The following TRIM10 variants were observed in gnomAD, a reference collection of about 807,000 sequenced individuals.
TRIM10 encodes tripartite motif containing 10.
Under a neutral mutation model 40.0 loss-of-function variants are expected in TRIM10, and 42 were observed. That is an observed-to-expected ratio of 1.05 (90% CI 0.82 to 1.36). The LOEUF (loss-of-function observed/expected upper bound fraction) is 1.36, where lower values mean the gene tolerates loss of function less well. Among genes scored for constraint, TRIM10 ranks in the 40% most tolerant of loss-of-function variants. The pLI, the probability that TRIM10 is intolerant of heterozygous loss-of-function variation, is 0.00. For synonymous variants in TRIM10, 260 were observed against 239.5 expected, an observed-to-expected ratio of 1.09 and a Z score of -0.79; for missense variants, 601 against 608.3, an observed-to-expected ratio of 0.99 and a Z score of 0.13.
At chr6:30,154,514 G>A (rs754544960) in intron 6 of TRIM10, 28 bp from the exon 7 acceptor site, 1 of 1,602,504 alleles carries the variant, frequency 6.2e-7, no homozygotes, top group Non-Finnish European at 8.5e-7. Flanking sequence ...AGGGACAGAT[G>A]TCAGCAGACA....
rs781626852 is a variant in TRIM10 at position 30,155,762 on chromosome 6, G to A, written c.896-3C>T. 15 of 1,612,682 alleles carry A rather than the reference G, an allele frequency of 9.3e-6. No individual in the cohort carries two copies. Among genetic ancestry groups the A allele is most frequent in the South Asian group, 3.3e-5 (3 of 90,970 alleles). On this transcript the variant is annotated splice_region_variant and splice_polypyrimidine_tract_variant and intron_variant, in intron 5 of 6. Transcript: ENST00000449742. The stretch of plus-strand genomic sequence containing the variant: ...GTCCAACTCAAAGCATAGTTTTTCT[G>A]TAAAGAAAATAAACCAGGATGAGAT...
chr6:30,155,714 A>G lies in TRIM10; in HGVS notation c.928+13T>C, dbSNP rs753843291. On this transcript the variant is annotated intron_variant, in intron 6 of 6. Transcript: ENST00000449742. ...ACTTCTCATTCTCTCCCATCCTGAC[A>G]TAGGCTCCTTACCTGGCTCATAGTC... 1.2e-6 allele frequency: 2 copies of G among 1,613,430 alleles called. No individual in the cohort carries two copies. The highest frequency in any genetic ancestry group is 1.7e-6 in the Non-Finnish European group (2 of 1,179,836).
In TRIM10 at chr6:30,158,428, T is replaced by C. The variant is rs751729897; in HGVS notation, c.727A>G (p.Asn243Asp). The change falls in exon 3 of 7, where the codon AAT (asparagine) becomes GAT (aspartate). Residue 243 changes from asparagine (N) to aspartate (D), a missense_variant. Physicochemically the swap from Asn to Asp is conservative, Grantham distance 23 (BLOSUM62 1). Transcript: ENST00000449742. The stretch of plus-strand genomic sequence containing the variant: ...AGGAGCTCCCTTGCTGGCCTCTCAT[T>C]CTTCTCCTCCAGTTCTTCAATAAGA... The part of the protein sequence containing the change: ...SALIEELEEK[N>D]ERPARELLTD... 6.2e-7 allele frequency: 1 copy of C among 1,612,944 alleles called. No individual in the cohort carries two copies. Among genetic ancestry groups the C allele is most frequent in the Non-Finnish European group, 8.5e-7 (1 of 1,179,998 alleles).
intron 2 of TRIM10, 67 bp downstream of exon 2, chr6:30,159,083 C>T (rs1404488856): frequency 9.6e-7 from 1 of 1,041,226 alleles, no homozygotes; most frequent in Non-Finnish European, 1.5e-6. Flanking sequence ...ATCTATGTTG[C>T]CTCAGTTTCA....
rs924588751 is a variant in TRIM10, at chr6:30,154,118, C to T, written c.1297G>A (p.Val433Met). The change falls in exon 7 of 7, where the codon GTG (valine) becomes ATG (methionine). Residue 433 changes from valine to methionine, a missense_variant. By Grantham distance (21) the Val-to-Met change is conservative. Transcript: ENST00000449742. ...TLKEQPRQVR[V>M]SLDYEVGWVT... ...CAGCCCACCTCATAGTCAAGAGACA[C>T]CCTCACCTGCCGGGGCTGCTCCTTC... is the stretch of plus-strand genomic sequence containing the variant. 1 of 1,613,018 alleles carries T rather than the reference C, an allele frequency of 6.2e-7. No individual in the cohort carries two copies. Among genetic ancestry groups the T allele is most frequent in the Non-Finnish European group, 8.5e-7 (1 of 1,179,976 alleles).
intron 3 of TRIM10, 82 bp downstream of exon 3, chr6:30,158,317 A>C: frequency 8.4e-7 from 1 of 1,183,706 alleles, no homozygotes; most frequent in Non-Finnish European, 1.3e-6. Context: ...TGTGTGAGTC[A>C]GGGAGACATG....
chr6:30,158,308 G>A (rs1772748056), intron 3 of TRIM10, 91 bp downstream of exon 3: 1 of 1,069,490 alleles, frequency 9.4e-7, no homozygotes, highest in East Asian at 2.4e-5. Context: ...ATACAGAGAT[G>A]TGTGAGTCAG....
upstream of TRIM10, chr6:30,163,769 A>G (rs17194460): frequency 0.19 from 306,282 of 1,612,716 alleles, 32,873 homozygotes; most frequent in South Asian, 0.36. Flanking sequence ...TGCGGTGACC[A>G]TTCCCTGTGG....
In TRIM10 at chr6:30,157,016, G is replaced by T; in HGVS notation, c.818C>A (p.Ser273Ter). The stretch of plus-strand genomic sequence containing the variant: ...CCGAATCCTCTGGCCCAGCTCTGGC[G>T]ACACAGCCACCGGTTTCCGGCACTT... ...TRKCRKPVAV[S>*]PELGQRIRDF... Residue 273 changes from serine (S) to a stop codon, truncating the protein, a stop_gained, in exon 5 of 7, where the codon TCG becomes TAG. Coordinates refer to ENST00000449742, the MANE Select transcript of TRIM10 (RefSeq NM_006778.4). LOFTEE classifies it high-confidence loss of function. The T allele has an allele frequency of 1.2e-6, 2 of 1,612,888 alleles. No individual in the cohort carries two copies. Among genetic ancestry groups the T allele is most frequent in the South Asian group, 1.1e-5 (1 of 91,074 alleles).
At chr6:30,163,098 G>A (rs1773263457), upstream of TRIM10, 1 of 153,060 alleles carries the variant, frequency 6.5e-6, no homozygotes, top group African/African-American at 2.4e-5. Context: ...AGCAGAAGAG[G>A]GGACCCGATG....
rs1218894712 is a variant in TRIM10, at chr6:30,154,198, C to A, written c.1217G>T (p.Arg406Met). The part of the protein sequence containing the change: ...LRPEEGVWAV[R>M]LAWGFVSALG... ...AGCCGAGACGAAGCCCCAAGCCAGC[C>A]TCACAGCCCACACCCCCTCCTCTGG... Residue 406 changes from arginine to methionine, a missense_variant, in exon 7 of 7, where the codon AGG becomes ATG. By Grantham distance (91) the Arg-to-Met change is moderately conservative (BLOSUM62 -1). Coordinates refer to ENST00000449742, the MANE Select transcript of TRIM10 (RefSeq NM_006778.4). 1 of 1,612,040 alleles carries A rather than the reference C, an allele frequency of 6.2e-7. No individual in the cohort carries two copies. The highest frequency in any genetic ancestry group is 1.7e-5 in the Admixed American group (1 of 60,000).
At chr6:30,161,371 G>A (rs1011201467), upstream of TRIM10, among the ~76,000 whole-genome samples, 4 of 152,164 alleles carry the variant, frequency 2.6e-5, no homozygotes, top group Non-Finnish European at 5.9e-5. Context: ...CTCAGATAAG[G>A]TCCTTGTGCC....
intron 2 of TRIM10, 118 bp from the exon 3 acceptor site, chr6:30,158,747 T>A (rs1772808835): frequency 3.6e-6 from 3 of 825,716 alleles, no homozygotes; most frequent in Non-Finnish European, 6.0e-6. Flanking sequence ...TTTTCACTTG[T>A]CATCCCATTT....
rs200635855 is a variant in TRIM10, at chr6:30,160,747, C to A, written c.112G>T (p.Ala38Ser). 1.2e-6 allele frequency: 2 copies of A among 1,614,198 alleles called. No homozygotes were observed. The highest frequency in any genetic ancestry group is 1.7e-6 in the Non-Finnish European group (2 of 1,180,038). The change falls in exon 1 of 7, where the codon GCC becomes TCC. Residue 38 changes from alanine to serine, a missense_variant. By Grantham distance (99) the Ala-to-Ser change is moderately conservative. Coordinates refer to ENST00000449742, the MANE Select transcript of TRIM10 (RefSeq NM_006778.4). ...TIDCGHNFCR[A>S]CLTRYCEIPG... ...ATCTCACAGTAGCGGGTAAGGCAGGCCCGGCAGAAGTTGTGGCCGCAGTCG... is the reference window on the plus strand; with the variant it reads ...ATCTCACAGTAGCGGGTAAGGCAGGACCGGCAGAAGTTGTGGCCGCAGTCG...
chr6:30,158,892 C>T (rs2517634), intron 2 of TRIM10, among the ~76,000 whole-genome samples: 2 of 152,188 alleles, frequency 1.3e-5, no homozygotes, highest in Admixed American at 1.3e-4. Flanking sequence ...ACATTATGTG[C>T]ACAGCCCTGA....
At chr6:30,155,933 A>G (rs1390808332) in intron 5 of TRIM10, among the ~76,000 whole-genome samples, 174 bp from the exon 6 acceptor site, 1 of 152,200 alleles carries the variant, frequency 6.6e-6, no homozygotes, top group Non-Finnish European at 1.5e-5. Flanking sequence ...AGCTCTTGTT[A>G]AAACACATCT....
In TRIM10 at chr6:30,160,443, G is replaced by T. The variant is rs148579679; in HGVS notation, c.416C>A (p.Ala139Glu). Residue 139 changes from alanine (A) to glutamate (E), a missense_variant, in exon 1 of 7, where the codon GCG (alanine) becomes GAG (glutamate). By Grantham distance (107) the Ala-to-Glu change is moderately radical. Coordinates refer to ENST00000449742, the MANE Select transcript of TRIM10 (RefSeq NM_006778.4). The part of the protein sequence containing the change: ...THTMRFLEDA[A>E]APYREQIHKC... ...CCCCTTTCCTACCCTATAGGGAGCC[G>T]CTGCATCCTCCAGGAAGCGCATGGT... 6.2e-7 allele frequency: 1 copy of T among 1,613,672 alleles called. No homozygotes were observed. Among genetic ancestry groups the T allele is most frequent in the African/African-American group, 1.3e-5 (1 of 75,014 alleles).
rs768636858 is a variant in TRIM10, at chr6:30,153,702, C to T, written c.*267G>A. 2 of 1,612,740 alleles carry T rather than the reference C, an allele frequency of 1.2e-6. No homozygotes were observed. Among genetic ancestry groups the T allele is most frequent in the Admixed American group, 3.3e-5 (2 of 59,980 alleles). On this transcript the variant is annotated 3_prime_UTR_variant, in exon 7 of 7. Coordinates refer to ENST00000449742, the MANE Select transcript of TRIM10 (RefSeq NM_006778.4). ...CAGTGCCCTTTCTATGCAGCTACTTCTGTGCCAAGCACGGATGGTGGTGAG... is the reference window on the plus strand; with the variant it reads ...CAGTGCCCTTTCTATGCAGCTACTTTTGTGCCAAGCACGGATGGTGGTGAG...
chr6:30,160,400 C>T (rs1349007893), intron 1 of TRIM10, 30 bp downstream of exon 1: 2 of 1,600,178 alleles, frequency 1.2e-6, no homozygotes, highest in East Asian at 2.2e-5. Context: ...GTCCAGTCCA[C>T]CCTGGGATCC....
Sources: allele counts gnomAD v4.1 joint callset (sites outside exome capture counted in the v4.1 genomes callset), GRCh38; gene constraint gnomAD v4.1.1; transcripts MANE v1.5; gene names NCBI Gene and HGNC (gene_info 2026-07-23, HGNC 2026-07-21).